The following NAV2 variants were observed in gnomAD, a reference collection of about 807,000 sequenced individuals.
NAV2 encodes the protein neuron navigator 2.
In NAV2, 54 loss-of-function variants were observed where a neutral mutation model predicts 223.2. The ratio of observed to expected loss-of-function variants is 0.24; its 90% CI spans 0.19 to 0.30. The LOEUF (loss-of-function observed/expected upper bound fraction) is 0.30. Among genes scored for constraint, NAV2 ranks in the 10% least tolerant of loss-of-function variants. The pLI, the probability that NAV2 is intolerant of heterozygous loss-of-function variation, is 1.00. For synonymous variants in NAV2, 1,279 were observed against 1,239.3 expected (o/e 1.03, Z -0.67); for missense variants, 2,806 against 3,147.5 (o/e 0.89, Z 2.60).
At chr11:19,829,556 C>A (rs756855742) in intron 1 of NAV2, among the ~76,000 whole-genome samples, 15 of 152,248 alleles carry the variant, frequency 9.9e-5, no homozygotes, top group Non-Finnish European at 1.9e-4. Context: ...GATTCTGTGA[C>A]CTTTGTATGT....
At chr11:19,836,581 AG>A (rs2060251130) in intron 2 of NAV2, among the ~76,000 whole-genome samples, 2 of 149,110 alleles carry the variant, frequency 1.3e-5, no homozygotes, top group Non-Finnish European at 1.5e-5. Flanking sequence ...AAAAAAAAAA[AG>A]CTCCGATCTG....
At chr11:19,618,404 G>GGATGTATGTATGTATGAATGAATA (rs1565105270) in intron 1 of NAV2, among the ~76,000 whole-genome samples, 2 of 36,990 alleles carry the variant, frequency 5.4e-5, no homozygotes, top group African/African-American at 9.3e-5. Context: ...ATGAATAGAT[G>GGATGTATGTATGTATGAATGAATA]GATGGATGGA....
At chr11:19,361,926 C>T (rs1853975248) in intron 1 of NAV2, among the ~76,000 whole-genome samples, 1 of 152,036 alleles carries the variant, frequency 6.6e-6, no homozygotes. Flanking sequence ...AGAGGAGAAT[C>T]CCTAGGCTCC....
At chr11:19,398,169 A>G (rs904296299) in intron 1 of NAV2, among the ~76,000 whole-genome samples, 12 of 152,096 alleles carry the variant, frequency 7.9e-5, no homozygotes, top group Non-Finnish European at 1.5e-4. Context: ...GCTTCTGGGG[A>G]GGCCTCTGGA....
intron 1 of NAV2, among the ~76,000 whole-genome samples, chr11:19,573,956 T>G (rs2045499031): frequency 6.6e-6 from 1 of 152,206 alleles, no homozygotes; most frequent in Non-Finnish European, 1.5e-5. Context: ...CTGGGGATTG[T>G]CTGAAGTCTG....
chr11:20,074,129 T>A (rs1281479115), intron 22 of NAV2, among the ~76,000 whole-genome samples: 1 of 152,262 alleles, frequency 6.6e-6, no homozygotes, highest in Non-Finnish European at 1.5e-5. Context: ...TCTAGTATGT[T>A]GTATCTTTGT....
At chr11:19,881,924 A>G (rs1307355673) in intron 5 of NAV2, among the ~76,000 whole-genome samples, 1 of 152,170 alleles carries the variant, frequency 6.6e-6, no homozygotes, top group Non-Finnish European at 1.5e-5. Flanking sequence ...GGGATCAGTG[A>G]TAAGGTAGTT....
chr11:19,566,932 T>G (rs1001692998), intron 1 of NAV2, among the ~76,000 whole-genome samples: 9 of 152,138 alleles, frequency 5.9e-5, no homozygotes, highest in Non-Finnish European at 8.8e-5. Context: ...TGTTTATTTG[T>G]TTGCATTTAT....
intron 1 of NAV2, among the ~76,000 whole-genome samples, chr11:19,747,189 C>T: frequency 6.6e-6 from 1 of 151,484 alleles, no homozygotes. Flanking sequence ...TGATGGTTTC[C>T]AGTTTCATCC....
At chr11:20,110,287 C>T (rs181434356) in intron 36 of NAV2, among the ~76,000 whole-genome samples, 35 of 152,338 alleles carry the variant, frequency 2.3e-4, no homozygotes, top group Middle Eastern at 3.4e-3. Context: ...CACTATGCCC[C>T]AAACTTGTGA....
chr11:19,665,493 T>C (rs1488435676), intron 1 of NAV2, among the ~76,000 whole-genome samples: 1 of 152,176 alleles, frequency 6.6e-6, no homozygotes, highest in Non-Finnish European at 1.5e-5. Flanking sequence ...AGGAAAAGAC[T>C]TGTGGCTTAT....
Position 20,044,068 on chromosome 11 carries a change from G to A in NAV2, c.2995G>A (p.Gly999Ser), listed in dbSNP as rs1300165115. The change falls in exon 13 of 38, where the codon GGC (glycine) becomes AGC (serine). Residue 999 changes from glycine (G) to serine (S), a missense_variant. Coordinates refer to ENST00000349880, the MANE Select transcript of NAV2 (RefSeq NM_145117.5). ...VKKSDGGSDS[G>S]IKMEPGSKWR... is the part of the protein sequence containing the mutation. ...GAAATCAGACGGAGGCTCAGACAGC[G>A]GCATAAAAATGGAGCCAGGTTCCAA... 16 of 1,614,050 alleles carry A rather than the reference G, an allele frequency of 9.9e-6. No individual in the cohort carries two copies. The highest frequency in any genetic ancestry group is 1.3e-5 in the African/African-American group (1 of 74,922).
At chr11:19,667,486 G>C (rs2048448151) in intron 1 of NAV2, among the ~76,000 whole-genome samples, 1 of 152,220 alleles carries the variant, frequency 6.6e-6, no homozygotes, top group Non-Finnish European at 1.5e-5. Flanking sequence ...GAAACAGAGT[G>C]AAGAGGAGGA....
At chr11:19,389,392 G>A (rs924058356) in intron 1 of NAV2, among the ~76,000 whole-genome samples, 2 of 152,192 alleles carry the variant, frequency 1.3e-5, no homozygotes, top group Non-Finnish European at 2.9e-5. Context: ...TTGGAAGCAC[G>A]ATGTTCTTTC....
intron 1 of NAV2, among the ~76,000 whole-genome samples, chr11:19,566,702 T>A (rs955104465): frequency 6.6e-6 from 1 of 152,128 alleles, no homozygotes; most frequent in Non-Finnish European, 1.5e-5. Context: ...GAATCCATAT[T>A]TATGAAACAC....
chr11:19,366,621 C>T (rs180694820), intron 1 of NAV2, among the ~76,000 whole-genome samples: 2 of 152,210 alleles, frequency 1.3e-5, no homozygotes, highest in Admixed American at 1.3e-4. Flanking sequence ...TAAACAGACC[C>T]CAGATAAAAT....
intron 1 of NAV2, among the ~76,000 whole-genome samples, chr11:19,671,462 C>T (rs1247952255): frequency 1.3e-5 from 2 of 152,280 alleles, no homozygotes; most frequent in East Asian, 1.9e-4. Context: ...TCTCTGAGTG[C>T]TCCCTGCTCC....
At position 19,594,330 on chromosome 11, in the gene NAV2, C is replaced by T. The variant is rs537440997; in HGVS notation, c.76-238154C>T. Among the ~76,000 whole-genome samples the T allele has an allele frequency of 7.9e-5, 12 of 152,228 alleles. No individual in the cohort carries two copies. In the South Asian group the frequency reaches 2.5e-3, roughly 32 times the overall value. ...TGTGTCATTAAGTTTCTGTAAGTTT[C>T]ACTAAGTCTTTGAAAATTGTGTCTC... is the stretch of plus-strand genomic sequence containing the variant. On this transcript the variant is annotated intron_variant, in intron 1 of 37. Transcript: ENST00000360655.
At chr11:19,585,517 C>T (rs926776707) in intron 1 of NAV2, among the ~76,000 whole-genome samples, 6 of 152,094 alleles carry the variant, frequency 3.9e-5, no homozygotes, top group Non-Finnish European at 7.4e-5. Flanking sequence ...TGGCTGGTAC[C>T]GGTTGTTCCT....
Sources: allele counts gnomAD v4.1 joint callset (sites outside exome capture counted in the v4.1 genomes callset), GRCh38; gene constraint gnomAD v4.1.1; transcripts MANE v1.5; gene names NCBI Gene and HGNC (gene_info 2026-07-23, HGNC 2026-07-21).